SCHIP1: variants seen among roughly 807,000 people sequenced by gnomAD.
The protein encoded by SCHIP1 is schwannomin-interacting protein 1.
A neutral mutation model predicts 29.7 loss-of-function variants in SCHIP1; 8 were observed. The ratio of observed to expected loss-of-function variants is 0.27; its 90% CI spans 0.16 to 0.49. The LOEUF is 0.49. Among genes scored for constraint, SCHIP1 ranks in the 20% least tolerant of loss-of-function variants. The pLI is 0.99. For synonymous variants in SCHIP1, 76 were observed against 94.9 expected, an observed-to-expected ratio of 0.80 and a Z score of 1.16; for missense variants, 193 against 294.6, an observed-to-expected ratio of 0.66 and a Z score of 2.52.
the SCHIP1 span, among the ~76,000 whole-genome samples, chr3:159,505,583 A>G: frequency 2.0e-5 from 3 of 152,188 alleles, no homozygotes; most frequent in Non-Finnish European, 1.5e-5. Flanking sequence ...TTAACTCATC[A>G]TCTACATTAG....
At chr3:159,815,794 T>A in the SCHIP1 span, among the ~76,000 whole-genome samples, 1 of 152,110 alleles carries the variant, frequency 6.6e-6, no homozygotes, top group Non-Finnish European at 1.5e-5. Context: ...TCGTTTCCCA[T>A]AACCCATCAG....
chr3:159,756,080 G>T, the SCHIP1 span, among the ~76,000 whole-genome samples: 1 of 152,214 alleles, frequency 6.6e-6, no homozygotes, highest in African/African-American at 2.4e-5. Flanking sequence ...TCTGGGGTCT[G>T]GAAGATGGTG....
At chr3:159,408,056 T>C in the SCHIP1 span, among the ~76,000 whole-genome samples, 1 of 152,094 alleles carries the variant, frequency 6.6e-6, no homozygotes, top group Non-Finnish European at 1.5e-5. Context: ...CCCAGCACTT[T>C]GGGAAGCCGA....
At chr3:159,378,397 G>C in the SCHIP1 span, among the ~76,000 whole-genome samples, 2 of 152,192 alleles carry the variant, frequency 1.3e-5, no homozygotes, top group African/African-American at 4.8e-5. Flanking sequence ...TTTCTAAGAG[G>C]TATAATATCA....
chr3:159,753,325 T>C, the SCHIP1 span, among the ~76,000 whole-genome samples: 1 of 152,182 alleles, frequency 6.6e-6, no homozygotes, highest in Non-Finnish European at 1.5e-5. Flanking sequence ...TTATAACATC[T>C]TAGATATAGA....
chr3:159,894,078 G>C (rs934328573), intron 6 of SCHIP1: 3 of 152,094 alleles, frequency 2.0e-5, no homozygotes, highest in Admixed American at 6.6e-5. Flanking sequence ...TCTCAATTTG[G>C]GTTGCACAAC....
chr3:159,433,907 A>AT, the SCHIP1 span, among the ~76,000 whole-genome samples: 3 of 152,286 alleles, frequency 2.0e-5, no homozygotes, highest in African/African-American at 7.2e-5. Context: ...ACCTGTCCCC[A>AT]TTACAGCATT....
the SCHIP1 span, among the ~76,000 whole-genome samples, chr3:159,610,193 T>C: frequency 6.6e-6 from 1 of 152,222 alleles, no homozygotes; most frequent in East Asian, 1.9e-4. Context: ...AAAGCTAGTG[T>C]TCTCTCCTCT....
the SCHIP1 span, among the ~76,000 whole-genome samples, chr3:159,387,993 G>A: frequency 6.6e-6 from 1 of 152,074 alleles, no homozygotes; most frequent in Non-Finnish European, 1.5e-5. Context: ...AGAAACATAA[G>A]AAATTATTCA....
the SCHIP1 span, among the ~76,000 whole-genome samples, chr3:159,483,687 G>T: frequency 1.3e-5 from 2 of 152,128 alleles, no homozygotes; most frequent in Non-Finnish European, 2.9e-5. Context: ...TGATAAAATT[G>T]ATCATTTTTA....
the SCHIP1 span, among the ~76,000 whole-genome samples, chr3:159,438,404 T>C: frequency 6.6e-6 from 1 of 152,120 alleles, no homozygotes; most frequent in Non-Finnish European, 1.5e-5. Flanking sequence ...AAGACCCATC[T>C]CTTCTACCCC....
At chr3:159,469,161 G>A in the SCHIP1 span, among the ~76,000 whole-genome samples, 1 of 152,018 alleles carries the variant, frequency 6.6e-6, no homozygotes, top group Non-Finnish European at 1.5e-5. Flanking sequence ...CAACCCCTGG[G>A]AGCTAACATT....
the SCHIP1 span, among the ~76,000 whole-genome samples, chr3:159,815,235 G>A: frequency 4.6e-5 from 7 of 152,222 alleles, no homozygotes; most frequent in East Asian, 5.8e-4. Flanking sequence ...CAGAAATATC[G>A]GAAGAGTTCC....
chr3:159,612,027 C>T, the SCHIP1 span, among the ~76,000 whole-genome samples: 1 of 152,134 alleles, frequency 6.6e-6, no homozygotes, highest in East Asian at 1.9e-4. Flanking sequence ...ATTAATATTG[C>T]TGTTAAAATC....
At chr3:159,580,127 C>A in the SCHIP1 span, among the ~76,000 whole-genome samples, 1 of 152,120 alleles carries the variant, frequency 6.6e-6, no homozygotes, top group African/African-American at 2.4e-5. Context: ...AAATATACCA[C>A]CCTTGCAGAA....
At chr3:159,285,167 AG>A in the SCHIP1 span, among the ~76,000 whole-genome samples, 1 of 152,042 alleles carries the variant, frequency 6.6e-6, no homozygotes, top group Non-Finnish European at 1.5e-5. Flanking sequence ...AGTTTCATAT[AG>A]AAATATAATC....
chr3:159,688,799 T>A, the SCHIP1 span, among the ~76,000 whole-genome samples: 1 of 152,216 alleles, frequency 6.6e-6, no homozygotes, highest in East Asian at 1.9e-4. Context: ...AGGGTCCAGT[T>A]CCAGTTTTCT....
chr3:159,866,216 C>G, exon 2 of SCHIP1: 2 of 1,613,658 alleles, frequency 1.2e-6, no homozygotes, highest in Non-Finnish European at 1.7e-6. Flanking sequence ...TTGGAAGCTT[C>G]TTTGATGATG....
the SCHIP1 span, among the ~76,000 whole-genome samples, chr3:159,767,345 A>G: frequency 6.6e-6 from 1 of 152,246 alleles, no homozygotes; most frequent in Admixed American, 6.5e-5. Context: ...GGGTTGCAAC[A>G]TAAAGTTTAC....
Sources: gnomAD v4.1 joint callset for allele counts (sites outside exome capture counted in the v4.1 genomes callset) on GRCh38, gnomAD v4.1.1 for gene constraint, MANE v1.5 for transcripts, NCBI Gene and HGNC (gene_info 2026-07-23, HGNC 2026-07-21) for gene names.